ANK3: variants seen among roughly 807,000 people sequenced by gnomAD.
ANK3 encodes the protein ankyrin-3.
ANK3 carries 57 observed loss-of-function variants against 370.9 expected under a neutral mutation model. The observed-to-expected ratio is 0.15, with a 90% CI of 0.12 to 0.19. The LOEUF (loss-of-function observed/expected upper bound fraction) is 0.19. Among genes scored for constraint, ANK3 ranks in the 10% least tolerant of loss-of-function variants. The pLI is 1.00. For synonymous variants in ANK3, 1,929 were observed against 1,946.3 expected (o/e 0.99, Z 0.23); for missense variants, 4,439 against 5,302.1 (o/e 0.84, Z 5.06).
At chr10:60,183,040 C>T (rs1000849143) in intron 17 of ANK3, among the ~76,000 whole-genome samples, 2 of 152,216 alleles carry the variant, frequency 1.3e-5, no homozygotes, top group African/African-American at 4.8e-5. Context: ...TCAGCAAAGA[C>T]TGAGAATGTG....
At chr10:60,434,505 A>C (rs2064109630) in intron 2 of ANK3, among the ~76,000 whole-genome samples, 1 of 152,230 alleles carries the variant, frequency 6.6e-6, no homozygotes, top group Non-Finnish European at 1.5e-5. Flanking sequence ...TTTTCTTTAA[A>C]AAATTAAATC....
chr10:60,348,162 AG>A (rs1280400595), intron 1 of ANK3, among the ~76,000 whole-genome samples: 5 of 152,208 alleles, frequency 3.3e-5, no homozygotes, highest in African/African-American at 1.2e-4. Flanking sequence ...AAAGGGCCAA[AG>A]GAGGCTCCTC....
intron 16 of ANK3, among the ~76,000 whole-genome samples, chr10:60,189,619 C>G (rs542649575): frequency 6.6e-6 from 1 of 152,228 alleles, no homozygotes; most frequent in South Asian, 2.1e-4. Context: ...TCTAAATTTT[C>G]TAAGTTGTTT....
At chr10:60,700,572 T>C (rs2079532265) in intron 1 of ANK3, among the ~76,000 whole-genome samples, 1 of 152,262 alleles carries the variant, frequency 6.6e-6, no homozygotes, top group South Asian at 2.1e-4. Flanking sequence ...TACTAAAACA[T>C]ATTATCAAGT....
At chr10:60,545,368 T>C (rs978872539) in intron 2 of ANK3, among the ~76,000 whole-genome samples, 35 of 152,040 alleles carry the variant, frequency 2.3e-4, no homozygotes, top group Non-Finnish European at 4.1e-4. Context: ...GGGGAGCATA[T>C]TGGTGTCTTT....
chr10:60,044,142 A>G, intron 42 of ANK3: 1 of 985,704 alleles, frequency 1.0e-6, no homozygotes, highest in Non-Finnish European at 1.2e-6. Context: ...ATCTGTAGGA[A>G]GTAATGGTGA....
chr10:60,586,518 A>G (rs1267555028), intron 2 of ANK3, among the ~76,000 whole-genome samples: 3 of 152,172 alleles, frequency 2.0e-5, no homozygotes. Flanking sequence ...GCAGTAACCA[A>G]CTGAGACTTT....
chr10:60,612,514 T>C (rs922021709), intron 2 of ANK3, among the ~76,000 whole-genome samples: 1 of 152,130 alleles, frequency 6.6e-6, no homozygotes, highest in Non-Finnish European at 1.5e-5. Context: ...ATTTTTTAGA[T>C]GGAGTCTCGC....
chr10:60,626,932 C>A (rs1470079698), intron 1 of ANK3, among the ~76,000 whole-genome samples: 3 of 151,756 alleles, frequency 2.0e-5, no homozygotes, highest in South Asian at 4.2e-4. Flanking sequence ...TTCGAGAAAA[C>A]CACATAGAGG....
intron 2 of ANK3, among the ~76,000 whole-genome samples, chr10:60,421,544 T>C (rs1262547504): frequency 6.6e-6 from 1 of 151,628 alleles, no homozygotes; most frequent in African/African-American, 2.4e-5. Flanking sequence ...TGGAGGACAA[T>C]GAGGGGAGGG....
chr10:60,636,028 T>C (rs1475428087), intron 1 of ANK3, among the ~76,000 whole-genome samples: 1 of 152,198 alleles, frequency 6.6e-6, no homozygotes, highest in African/African-American at 2.4e-5. Context: ...AAATGAAAAG[T>C]AGCCCAATAA....
chr10:60,311,026 G>C (rs945260690), intron 1 of ANK3, among the ~76,000 whole-genome samples: 10 of 152,134 alleles, frequency 6.6e-5, no homozygotes, highest in African/African-American at 2.2e-4. Flanking sequence ...GGATTGGGGA[G>C]GAGTAGTCAG....
intron 23 of ANK3, among the ~76,000 whole-genome samples, chr10:60,153,061 AACCC>A (rs2095205696): frequency 6.6e-6 from 1 of 152,230 alleles, no homozygotes; most frequent in East Asian, 1.9e-4. Flanking sequence ...AACTTGAAAC[AACCC>A]ACATTCTCAT....
intron 1 of ANK3, among the ~76,000 whole-genome samples, chr10:60,685,930 C>A (rs1422756279): frequency 6.6e-6 from 1 of 152,056 alleles, no homozygotes; most frequent in African/African-American, 2.4e-5. Context: ...AAATACAGAA[C>A]AAAATAATAG....
intron 2 of ANK3, among the ~76,000 whole-genome samples, chr10:60,584,045 A>G (rs915311429): frequency 6.6e-5 from 10 of 152,266 alleles, no homozygotes; most frequent in African/African-American, 2.2e-4. Flanking sequence ...TTTTAAAAAG[A>G]TGATGGTTCT....
chr10:60,670,759 C>T (rs1221672753), intron 1 of ANK3, among the ~76,000 whole-genome samples: 1 of 152,216 alleles, frequency 6.6e-6, no homozygotes, highest in Non-Finnish European at 1.5e-5. Context: ...ATAAAATGCA[C>T]TCTCTCCCTT....
At chr10:60,083,909 A>T in intron 32 of ANK3, 1 of 211,534 alleles carries the variant, frequency 4.7e-6, no homozygotes, top group Non-Finnish European at 9.1e-6. Flanking sequence ...ACTTATTCGT[A>T]TAGATTTTGA....
intron 2 of ANK3, among the ~76,000 whole-genome samples, chr10:60,419,775 C>T (rs948106743): frequency 1.3e-5 from 2 of 152,136 alleles, no homozygotes; most frequent in Non-Finnish European, 2.9e-5. Flanking sequence ...TCAGGTGAGG[C>T]CACACTTTCA....
At chr10:60,381,599 C>T (rs1374033125) in intron 1 of ANK3, among the ~76,000 whole-genome samples, 1 of 152,042 alleles carries the variant, frequency 6.6e-6, no homozygotes, top group Admixed American at 6.6e-5. Flanking sequence ...AAAAATATTC[C>T]CTCTTTTTCT....
Sources: allele counts gnomAD v4.1 joint callset (sites outside exome capture counted in the v4.1 genomes callset), GRCh38; gene constraint gnomAD v4.1.1; transcripts MANE v1.5; gene names NCBI Gene and HGNC (gene_info 2026-07-23, HGNC 2026-07-21).